The following NGF variants were observed in gnomAD, a reference collection of about 807,000 sequenced individuals.
The protein encoded by NGF is nerve growth factor.
Under a neutral mutation model 12.8 loss-of-function variants are expected in NGF, and 4 were observed. The observed-to-expected ratio is 0.31, with a 90% confidence interval of 0.15 to 0.72. NGF has a LOEUF of 0.72. NGF is among the 30% of genes least tolerant of loss of function. NGF has a pLI of 0.69. For missense variants in NGF, 283 were observed against 330.8 expected (o/e 0.86, Z 1.12); for synonymous variants, 140 against 130.0 (o/e 1.08, Z -0.52).
chr1:115,325,230 C>T (rs1654740474), intron 1 of NGF, among the ~76,000 whole-genome samples: 1 of 152,076 alleles, frequency 6.6e-6, no homozygotes, highest in Admixed American at 6.6e-5. Context: ...GAAGACATTG[C>T]AAAAAGGTCA....
chr1:115,329,460 G>A (rs942933265), intron 1 of NGF, among the ~76,000 whole-genome samples: 3 of 152,110 alleles, frequency 2.0e-5, no homozygotes, highest in South Asian at 2.1e-4. Context: ...TCCGCTGTTC[G>A]AAATCATGCT....
chr1:115,329,744 CTTTTTTTTTTTT>C (rs1039991768), intron 1 of NGF, among the ~76,000 whole-genome samples: 1 of 103,996 alleles, frequency 9.6e-6, no homozygotes, highest in South Asian at 3.3e-4. Context: ...TTCTTTCTTT[CTTTTTTTTTTTT>C]TTTTTTTTTG....
chr1:115,320,113 G>T (rs1341202698), intron 1 of NGF, among the ~76,000 whole-genome samples: 1 of 152,152 alleles, frequency 6.6e-6, no homozygotes, highest in Non-Finnish European at 1.5e-5. Context: ...TAGAGTTTTT[G>T]CAGGAGAAGG....
At position 115,286,442 on chromosome 1, in the gene NGF, C is replaced by T. The variant is rs2101018914; in HGVS notation, c.354G>A (p.Arg118=). 1 of 1,613,724 alleles carries T rather than the reference C, an allele frequency of 6.2e-7. No individual in the cohort carries two copies. Among genetic ancestry groups the T allele is most frequent in the Non-Finnish European group, 8.5e-7 (1 of 1,179,868 alleles). Residue 118 remains arginine (R), a synonymous_variant, in exon 3 of 3, where the codon AGG becomes AGA. Transcript: ENST00000369512. ...GGAAPFNRTH[R]SKRSSSHPIF... is the part of the protein sequence containing the mutation. ...TGGGATGGGATGATGACCGCTTGCT[C>T]CTGTGAGTCCTGTTGAAGGGGGCAG...
At chr1:115,324,100 T>A (rs556413799) in intron 1 of NGF, among the ~76,000 whole-genome samples, 6 of 152,296 alleles carry the variant, frequency 3.9e-5, no homozygotes, top group South Asian at 2.1e-4. Context: ...GGGGCTCACC[T>A]GGATGGAGGT....
intron 1 of NGF, among the ~76,000 whole-genome samples, chr1:115,300,509 A>C (rs1302888857): frequency 6.6e-6 from 1 of 152,242 alleles, no homozygotes. Context: ...CATGGATCAC[A>C]AGCAGTCAGC....
chr1:115,290,633 T>A (rs957494699), intron 2 of NGF, among the ~76,000 whole-genome samples: 2 of 152,128 alleles, frequency 1.3e-5, no homozygotes, highest in Non-Finnish European at 2.9e-5. Flanking sequence ...GATCTCGTGA[T>A]CCGCCCCCTC....
chr1:115,289,392 C>A (rs917303342), intron 2 of NGF, among the ~76,000 whole-genome samples: 6 of 152,098 alleles, frequency 3.9e-5, no homozygotes, highest in Admixed American at 1.3e-4. Flanking sequence ...AAGGGACATA[C>A]CTCTCCCTAT....
At chr1:115,298,269 C>T (rs1653931772) in intron 1 of NGF, among the ~76,000 whole-genome samples, 1 of 152,140 alleles carries the variant, frequency 6.6e-6, no homozygotes, top group Non-Finnish European at 1.5e-5. Flanking sequence ...AAGGCCATTA[C>T]CAAGCACATC....
Position 115,286,031 on chromosome 1 carries a change from G to T in NGF, c.*39C>A. 1 of 1,608,654 alleles carries T rather than the reference G, an allele frequency of 6.2e-7. No individual in the cohort carries two copies. Among genetic ancestry groups the T allele is most frequent in the African/African-American group, 1.3e-5 (1 of 74,972 alleles). On this transcript the variant is annotated 3_prime_UTR_variant, in exon 3 of 3. Transcript: ENST00000369512. The stretch of plus-strand genomic sequence containing the variant: ...GGTTGAGGTAGGGAGGGGCCCAGGA[G>T]AGTGTAGAAGGGGCAGGGGGAGGGA...
At chr1:115,337,256 G>GTTT (rs1364127314) in intron 1 of NGF, among the ~76,000 whole-genome samples, 11 of 27,198 alleles carry the variant, frequency 4.0e-4, no homozygotes, top group African/African-American at 1.3e-3. Flanking sequence ...AATTTTTTTT[G>GTTT]TTTTGTTTTT....
Position 115,286,365 on chromosome 1 carries a change from C to A in NGF, c.431G>T (p.Gly144Val). 1 of 1,614,048 alleles carries A rather than the reference C, an allele frequency of 6.2e-7. No homozygotes were observed. Among genetic ancestry groups the A allele is most frequent in the Non-Finnish European group, 8.5e-7 (1 of 1,180,018 alleles). The change falls in exon 3 of 3, where the codon GGG becomes GTG. Residue 144 changes from glycine (G) to valine (V), a missense_variant. Physicochemically the swap from Gly to Val is moderately radical, Grantham distance 109. Around this residue, in one of 2 missense-constraint regions of NGF, gnomAD observed 132 missense variants for 189.2 expected, o/e 0.70. Coordinates refer to ENST00000369512, the MANE Select transcript of NGF (RefSeq NM_002506.3). The stretch of plus-strand genomic sequence containing the variant: ...GATGTCTGTGGCGGTGGTCTTATCC[C>A]CAACCCACACGCTGACACTGTCACA... ...SVCDSVSVWV[G>V]DKTTATDIKG...
At chr1:115,326,262 C>G (rs576529918) in intron 1 of NGF, among the ~76,000 whole-genome samples, 3 of 152,260 alleles carry the variant, frequency 2.0e-5, no homozygotes, top group African/African-American at 7.2e-5. Flanking sequence ...TGTCCTGGCA[C>G]TGTTGTTACA....
At chr1:115,331,083 A>G (rs146963439) in intron 1 of NGF, among the ~76,000 whole-genome samples, 52 of 151,864 alleles carry the variant, frequency 3.4e-4, no homozygotes, top group African/African-American at 1.2e-3. Context: ...ATTGTCTGCA[A>G]TGTCAATGAG....
intron 1 of NGF, among the ~76,000 whole-genome samples, chr1:115,337,459 CCA>C (rs1655161321): frequency 6.6e-6 from 1 of 151,784 alleles, no homozygotes; most frequent in Non-Finnish European, 1.5e-5. Flanking sequence ...CCCGCTTCTC[CCA>C]CACCTGGCAG....
intron 1 of NGF, among the ~76,000 whole-genome samples, chr1:115,294,573 CA>C (rs1653805122): frequency 6.6e-6 from 1 of 152,202 alleles, no homozygotes; most frequent in African/African-American, 2.4e-5. Flanking sequence ...AAGATATCTC[CA>C]GATTCTTTAT....
chr1:115,336,508 C>G (rs760881210), intron 1 of NGF, among the ~76,000 whole-genome samples: 12 of 152,214 alleles, frequency 7.9e-5, no homozygotes, highest in Non-Finnish European at 7.3e-5. Flanking sequence ...CCAGACCCGC[C>G]TGTCTCCTCT....
At chr1:115,305,922 G>A (rs1045053719) in intron 1 of NGF, among the ~76,000 whole-genome samples, 7 of 152,182 alleles carry the variant, frequency 4.6e-5, no homozygotes, top group African/African-American at 1.7e-4. Flanking sequence ...TCTGTTGATT[G>A]GTTTTTTGGG....
At chr1:115,307,887 T>A (rs2101038402) in intron 1 of NGF, among the ~76,000 whole-genome samples, 1 of 152,318 alleles carries the variant, frequency 6.6e-6, no homozygotes, top group African/African-American at 2.4e-5. Flanking sequence ...TGCCAGACTG[T>A]CTCTTAAAAT....
Sources: allele counts gnomAD v4.1 joint callset (sites outside exome capture counted in the v4.1 genomes callset), GRCh38; gene constraint gnomAD v4.1.1; regional missense constraint gnomAD v4.1.1; transcripts MANE v1.5; gene names NCBI Gene and HGNC (gene_info 2026-07-23, HGNC 2026-07-21).